Variants in LDB2 observed in about 807,000 individuals in gnomAD.
LDB2 encodes the protein LIM domain binding 2, also known as LIM domain-binding protein 2.
LDB2 carries 12 observed loss-of-function variants against 44.3 expected under a neutral mutation model. The ratio of observed to expected loss-of-function variants is 0.27; its 90% CI spans 0.17 to 0.44. The LOEUF (loss-of-function observed/expected upper bound fraction) is 0.44. Among genes scored for constraint, LDB2 ranks in the 20% least tolerant of loss-of-function variants. LDB2 has a pLI of 1.00. For synonymous variants in LDB2, 164 were observed against 174.8 expected, an observed-to-expected ratio of 0.94 and a Z score of 0.49; for missense variants, 344 against 473.5, an observed-to-expected ratio of 0.73 and a Z score of 2.54.
intron 1 of LDB2, among the ~76,000 whole-genome samples, chr4:16,872,003 A>T (rs1402514453): frequency 6.6e-6 from 1 of 152,200 alleles, no homozygotes; most frequent in African/African-American, 2.4e-5. Context: ...CAATGAAAGC[A>T]TTTTGGGAGA....
intron 2 of LDB2, chr4:16,651,049 G>A (rs914650621): frequency 1.3e-5 from 2 of 152,146 alleles, no homozygotes; most frequent in African/African-American, 4.8e-5. Context: ...TTTTGTCAGT[G>A]AAATTAAAAC....
At chr4:16,561,739 C>A (rs577218415) in intron 5 of LDB2, among the ~76,000 whole-genome samples, 2 of 152,168 alleles carry the variant, frequency 1.3e-5, no homozygotes, top group East Asian at 3.9e-4. Flanking sequence ...CACATGGAAC[C>A]AAAAAAGAGC....
At chr4:16,715,649 T>G (rs1756920048) in intron 2 of LDB2, among the ~76,000 whole-genome samples, 1 of 152,162 alleles carries the variant, frequency 6.6e-6, no homozygotes, top group East Asian at 1.9e-4. Flanking sequence ...TTACATGACT[T>G]TCACATATTG....
chr4:16,637,411 A>AAATGATAT (rs1490251653), intron 2 of LDB2, among the ~76,000 whole-genome samples: 1 of 138,946 alleles, frequency 7.2e-6, no homozygotes, highest in Non-Finnish European at 1.5e-5. Flanking sequence ...GTGGGTGCTT[A>AAATGATAT]AATGATATGA....
At chr4:16,841,460 C>A (rs1580142737) in intron 1 of LDB2, among the ~76,000 whole-genome samples, 1 of 152,198 alleles carries the variant, frequency 6.6e-6, no homozygotes, top group African/African-American at 2.4e-5. Context: ...ATTATATGTG[C>A]ACTTAGTAAA....
chr4:16,654,637 T>A (rs1739257486), intron 2 of LDB2, among the ~76,000 whole-genome samples: 2 of 152,244 alleles, frequency 1.3e-5, no homozygotes, highest in Non-Finnish European at 2.9e-5. Flanking sequence ...GTTTCTTTCC[T>A]GATATCTGTC....
chr4:16,837,591 T>C (rs1054208416), intron 1 of LDB2, among the ~76,000 whole-genome samples: 2 of 152,208 alleles, frequency 1.3e-5, no homozygotes, highest in African/African-American at 4.8e-5. Flanking sequence ...TGGCTCTGCA[T>C]GAAAAAGCCT....
At chr4:16,851,611 T>G (rs158273) in intron 1 of LDB2, among the ~76,000 whole-genome samples, 20,051 of 149,624 alleles carry the variant, frequency 0.13, 1,451 homozygotes, top group Middle Eastern at 0.2. Context: ...AAAAAAATAA[T>G]AAGAAAAAAA....
chr4:16,665,846 C>T (rs534793666), intron 2 of LDB2, among the ~76,000 whole-genome samples: 2 of 152,140 alleles, frequency 1.3e-5, no homozygotes, highest in Non-Finnish European at 1.5e-5. Flanking sequence ...AATGACAAGT[C>T]CTTATAGGTG....
At position 16,679,142 on chromosome 4, in the gene LDB2, G is replaced by T. The variant is rs544073640; in HGVS notation, c.235+80016C>A. 5.3e-5 allele frequency among the ~76,000 whole-genome samples: 8 copies of T among 152,300 alleles called. No homozygotes were observed. The East Asian group carries it at 1.3e-3, about 26-fold the overall frequency. On this transcript the variant is annotated intron_variant, in intron 2 of 7. Coordinates refer to ENST00000304523, the MANE Select transcript of LDB2 (RefSeq NM_001290.5). The stretch of plus-strand genomic sequence containing the variant: ...GCAAATGTAATCTTTTTAGTCTTCA[G>T]TTTTCATCCTTTTTATTCATATGTG...
At chr4:16,864,809 C>A (rs1320152640) in intron 1 of LDB2, among the ~76,000 whole-genome samples, 1 of 151,896 alleles carries the variant, frequency 6.6e-6, no homozygotes, top group South Asian at 2.1e-4. Context: ...CCTGTAATCC[C>A]AGCTACTTGG....
At chr4:16,662,014 A>G (rs1219926379) in intron 2 of LDB2, among the ~76,000 whole-genome samples, 1 of 152,200 alleles carries the variant, frequency 6.6e-6, no homozygotes, top group African/African-American at 2.4e-5. Context: ...TCATTCTAGC[A>G]TTCCAAGTAT....
rs16894098 is a variant in LDB2, at chr4:16,861,717, C to T, written c.132+36637G>A. Among the ~76,000 whole-genome samples the T allele has an allele frequency of 1.3e-3, 194 of 152,286 alleles. 1 individual carries two copies. Among genetic ancestry groups the T allele is most frequent in the African/African-American group, 4.2e-3 (176 of 41,562 alleles). ...TATGGCTTTTTGTGGCCTCCAGCCA[C>T]GAGTCAGCTAGGTCCTGCTGCCCTA... On this transcript the variant is annotated intron_variant, in intron 1 of 7. Transcript: ENST00000304523.
intron 2 of LDB2, among the ~76,000 whole-genome samples, chr4:16,610,211 A>T (rs183836936): frequency 6.6e-6 from 1 of 152,238 alleles, no homozygotes; most frequent in East Asian, 1.9e-4. Flanking sequence ...TCCAAGGGTC[A>T]GCAGCCTCAA....
chr4:16,808,480 T>A (rs1245823020), intron 1 of LDB2, among the ~76,000 whole-genome samples: 4 of 152,118 alleles, frequency 2.6e-5, no homozygotes, highest in African/African-American at 9.7e-5. Flanking sequence ...TTTTGTTGTG[T>A]TTTGAGGGAT....
At chr4:16,570,462 CAAAAAAAAAAAAAAAAAAAAAAA>C (rs71181175) in intron 5 of LDB2, among the ~76,000 whole-genome samples, 21 of 16,608 alleles carry the variant, frequency 1.3e-3, no homozygotes, top group South Asian at 5.7e-3. Flanking sequence ...GACTCTGTCT[CAAAAAAAAAAAAAAAAAAAAAAA>C]AAAAAAAAAA....
At chr4:16,755,316 C>T (rs1766306825) in intron 2 of LDB2, among the ~76,000 whole-genome samples, 1 of 152,138 alleles carries the variant, frequency 6.6e-6, no homozygotes, top group African/African-American at 2.4e-5. Context: ...AGAGCAGGTG[C>T]ACAGAGGGCT....
chr4:16,824,703 G>C (rs1300811403), intron 1 of LDB2, among the ~76,000 whole-genome samples: 1 of 152,258 alleles, frequency 6.6e-6, no homozygotes, highest in Non-Finnish European at 1.5e-5. Flanking sequence ...CACTGGCAAA[G>C]TTTAGGCATC....
intron 6 of LDB2, among the ~76,000 whole-genome samples, chr4:16,511,146 C>T (rs1721582726): frequency 6.6e-6 from 1 of 152,320 alleles, no homozygotes; most frequent in Non-Finnish European, 1.5e-5. Flanking sequence ...TGGCCACTTA[C>T]CAGCCGAAGG....
Sources: allele counts gnomAD v4.1 joint callset (sites outside exome capture counted in the v4.1 genomes callset), GRCh38; gene constraint gnomAD v4.1.1; transcripts MANE v1.5; gene names NCBI Gene and HGNC (gene_info 2026-07-23, HGNC 2026-07-21).